ZNF722: variants seen among roughly 807,000 people sequenced by gnomAD.
The protein encoded by ZNF722 is zinc finger protein 722.
the ZNF722 span, chr7:64,005,815 T>A: frequency 7.7e-7 from 1 of 1,291,378 alleles, no homozygotes; most frequent in Non-Finnish European, 1.1e-6. Flanking sequence ...TAATTTCTGC[T>A]TTGCATGAAT....
At chr7:64,013,603 A>C in the ZNF722 span, among the ~76,000 whole-genome samples, 111,313 of 151,588 alleles carry the variant, frequency 0.73, 41,147 homozygotes, top group Admixed American at 0.78. Flanking sequence ...CTAATTGTAT[A>C]TTTTTATGTT....
the ZNF722 span, among the ~76,000 whole-genome samples, chr7:64,005,159 C>A: frequency 6.6e-6 from 1 of 152,078 alleles, no homozygotes; most frequent in African/African-American, 2.4e-5. Context: ...ATCAGCCAGG[C>A]ATGGTGGCTC....
the ZNF722 span, among the ~76,000 whole-genome samples, chr7:64,004,568 A>G: frequency 6.6e-6 from 1 of 151,154 alleles, no homozygotes; most frequent in Admixed American, 6.6e-5. Flanking sequence ...AATAAAGTTG[A>G]TAACAATTTT....
At chr7:64,014,911 G>T in the ZNF722 span, 2 of 785,336 alleles carry the variant, frequency 2.5e-6, no homozygotes, top group East Asian at 5.2e-5. Context: ...TATGGCCTGT[G>T]GTAATTTGAT....
At chr7:64,008,412 A>C in the ZNF722 span, among the ~76,000 whole-genome samples, 1 of 152,108 alleles carries the variant, frequency 6.6e-6, no homozygotes, top group Non-Finnish European at 1.5e-5. Flanking sequence ...TCTTGAATTA[A>C]TTTTTGTATA....
the ZNF722 span, among the ~76,000 whole-genome samples, chr7:64,001,403 G>A: frequency 1.3e-5 from 2 of 152,226 alleles, no homozygotes; most frequent in Admixed American, 6.5e-5. Flanking sequence ...CTCCATTGAC[G>A]TTGCTGCAAA....
chr7:64,013,407 T>G, the ZNF722 span, among the ~76,000 whole-genome samples: 1 of 152,192 alleles, frequency 6.6e-6, no homozygotes, highest in Non-Finnish European at 1.5e-5. Context: ...CTTTGTCTCA[T>G]GCTAGTAATT....
the ZNF722 span, among the ~76,000 whole-genome samples, chr7:64,003,706 A>G: frequency 9.6e-3 from 1,465 of 152,296 alleles, 6 homozygotes; most frequent in Non-Finnish European, 0.017. Context: ...TTCTATACAT[A>G]CTTTTCATCT....
At chr7:63,999,039 C>T in the ZNF722 span, 2 of 1,562,760 alleles carry the variant, frequency 1.3e-6, no homozygotes, top group Non-Finnish European at 8.8e-7. Context: ...GGGCGGGAGA[C>T]GGTTGGAACC....
chr7:64,005,539 A>G, the ZNF722 span: 1 of 696,304 alleles, frequency 1.4e-6, no homozygotes, highest in Non-Finnish European at 2.5e-6. Flanking sequence ...TGAGTCAAAT[A>G]CAAATCTCTG....
At chr7:64,014,234 C>A in the ZNF722 span, among the ~76,000 whole-genome samples, 7 of 151,514 alleles carry the variant, frequency 4.6e-5, no homozygotes, top group South Asian at 4.2e-4. Flanking sequence ...TTATTCCAAG[C>A]CTTTTGTTGA....
chr7:64,015,825 A>C, the ZNF722 span: 36 of 1,607,402 alleles, frequency 2.2e-5, no homozygotes, highest in Non-Finnish European at 2.9e-5. Flanking sequence ...GAAACCCTAC[A>C]AATGTGAAGA....
At chr7:64,007,230 G>GTGTATATA in the ZNF722 span, among the ~76,000 whole-genome samples, 68 of 138,498 alleles carry the variant, frequency 4.9e-4, no homozygotes, top group South Asian at 1.1e-3. Flanking sequence ...GTTTGTGTGT[G>GTGTATATA]TATATATATA....
At chr7:64,011,647 G>A in the ZNF722 span, among the ~76,000 whole-genome samples, 2 of 152,036 alleles carry the variant, frequency 1.3e-5, no homozygotes, top group Admixed American at 1.3e-4. Flanking sequence ...TCCCTTTGTG[G>A]GTAACCCGGC....
At chr7:64,014,160 A>G in the ZNF722 span, among the ~76,000 whole-genome samples, 1 of 150,700 alleles carries the variant, frequency 6.6e-6, no homozygotes, top group South Asian at 2.1e-4. Context: ...TTTTTACATT[A>G]CTTTTTTCAT....
At chr7:64,015,569 C>T in the ZNF722 span, 1 of 1,613,634 alleles carries the variant, frequency 6.2e-7, no homozygotes, top group Non-Finnish European at 8.5e-7. Context: ...GAGAGAAACC[C>T]TACACATGTG....
chr7:64,004,425 A>AAAATAT, the ZNF722 span, among the ~76,000 whole-genome samples: 176 of 61,092 alleles, frequency 2.9e-3, 1 homozygote, highest in Non-Finnish European at 3.5e-3. Flanking sequence ...AAAAAAAAAA[A>AAAATAT]ATATATATAT....
chr7:64,003,826 T>G, the ZNF722 span, among the ~76,000 whole-genome samples: 1 of 152,174 alleles, frequency 6.6e-6, no homozygotes, highest in Non-Finnish European at 1.5e-5. Flanking sequence ...ACTCAAGATT[T>G]CTATTGGGGA....
At chr7:64,001,881 AAT>A in the ZNF722 span, among the ~76,000 whole-genome samples, 7 of 150,658 alleles carry the variant, frequency 4.6e-5, no homozygotes, top group African/African-American at 7.3e-5. Flanking sequence ...GTTTCGTTGA[AAT>A]ATATATATAT....
Sources: gnomAD v4.1 joint callset for allele counts (sites outside exome capture counted in the v4.1 genomes callset) on GRCh38, gnomAD v4.1.1 for gene constraint, MANE v1.5 for transcripts, NCBI Gene and HGNC (gene_info 2026-07-23, HGNC 2026-07-21) for gene names.